NFATC2: variants seen among roughly 807,000 people sequenced by gnomAD.
The protein encoded by NFATC2 is nuclear factor of activated T-cells, cytoplasmic 2.
In NFATC2, 22 loss-of-function variants were observed where a neutral mutation model predicts 87.3. The ratio of observed to expected loss-of-function variants is 0.25; its 90% CI spans 0.18 to 0.36. The LOEUF is 0.36. Ranked by LOEUF, NFATC2 falls within the 10% of genes least tolerant of loss-of-function variation. The probability of loss-of-function intolerance (pLI) is 1.00; values close to 1 mark genes in which losing one functional copy is unlikely to be tolerated. For synonymous variants in NFATC2, 565 were observed against 542.2 expected, an observed-to-expected ratio of 1.04 and a Z score of -0.58; for missense variants, 1,149 against 1,259.1, an observed-to-expected ratio of 0.91 and a Z score of 1.32.
At chr20:51,516,351 T>A (rs758224415) in intron 3 of NFATC2, among the ~76,000 whole-genome samples, 8 of 152,230 alleles carry the variant, frequency 5.3e-5, no homozygotes, top group Non-Finnish European at 1.2e-4. Context: ...AAAATACTAA[T>A]ATAGCTATTT....
intron 3 of NFATC2, among the ~76,000 whole-genome samples, chr20:51,508,526 G>C (rs2146659985): frequency 6.6e-6 from 1 of 152,176 alleles, no homozygotes; most frequent in Non-Finnish European, 1.5e-5. Flanking sequence ...ACAAGGAGGA[G>C]GTGGTGAGGA....
At chr20:51,476,037 T>C (rs1444921632) in intron 3 of NFATC2, among the ~76,000 whole-genome samples, 2 of 151,282 alleles carry the variant, frequency 1.3e-5, no homozygotes, top group Admixed American at 6.6e-5. Flanking sequence ...CTCTTGATAG[T>C]GATTGCCTGA....
intron 10 of NFATC2, among the ~76,000 whole-genome samples, chr20:51,394,988 C>T (rs6123021): frequency 6.6e-6 from 1 of 152,218 alleles, no homozygotes; most frequent in Non-Finnish European, 1.5e-5. Context: ...TGCTTAATGC[C>T]TGCATTAGCC....
intron 1 of NFATC2, among the ~76,000 whole-genome samples, chr20:51,538,376 T>TA (rs1057252006): frequency 1.3e-5 from 2 of 152,258 alleles, no homozygotes; most frequent in East Asian, 1.9e-4. Context: ...CCATTTGTAA[T>TA]AAAAACTCTC....
intron 3 of NFATC2, among the ~76,000 whole-genome samples, chr20:51,508,699 G>A (rs1430213698): frequency 1.3e-5 from 2 of 152,068 alleles, no homozygotes; most frequent in Admixed American, 6.6e-5. Context: ...GGGATGAACA[G>A]GGTCCCTAGA....
chr20:51,457,504 C>A (rs970252640), intron 5 of NFATC2, among the ~76,000 whole-genome samples: 1 of 152,340 alleles, frequency 6.6e-6, no homozygotes, highest in East Asian at 1.9e-4. Context: ...GTTGCTTCCC[C>A]CTTCAAAGCC....
intron 9 of NFATC2, among the ~76,000 whole-genome samples, chr20:51,410,389 C>T (rs1979038416): frequency 6.6e-6 from 1 of 152,026 alleles, no homozygotes; most frequent in Non-Finnish European, 1.5e-5. Context: ...TGCCAGAAAA[C>T]ATTTTCTACG....
chr20:51,483,436 G>A (rs534622326), intron 3 of NFATC2, among the ~76,000 whole-genome samples: 13 of 152,194 alleles, frequency 8.5e-5, no homozygotes, highest in African/African-American at 3.1e-4. Flanking sequence ...CCAGGGTGGG[G>A]GAGAAGGCCG....
intron 3 of NFATC2, among the ~76,000 whole-genome samples, chr20:51,490,159 C>T (rs1177320226): frequency 1.3e-5 from 2 of 152,146 alleles, no homozygotes; most frequent in Non-Finnish European, 2.9e-5. Context: ...TAATGTATTG[C>T]GTGCTTGCTA....
At chr20:51,437,666 G>A (rs887617052) in intron 6 of NFATC2, among the ~76,000 whole-genome samples, 2 of 152,128 alleles carry the variant, frequency 1.3e-5, no homozygotes, top group African/African-American at 2.4e-5. Context: ...AGAGCCCTTT[G>A]TAACAATTAA....
rs947475897 is a variant in NFATC2 at position 51,466,614 on chromosome 20, A to C, written c.1708+7366T>G. Among the ~76,000 whole-genome samples the C allele has an allele frequency of 3.9e-5, 6 of 152,210 alleles. No homozygotes were observed. In the South Asian group the frequency reaches 8.3e-4, roughly 21 times the overall value. On this transcript the variant is annotated intron_variant, in intron 5 of 10. Transcript: ENST00000371564. ...ACCTGCACGGATCAGAGCCCCAAAC[A>C]TGAAACCAGAACCGAAAAGCTTCCA...
intron 2 of NFATC2, among the ~76,000 whole-genome samples, chr20:51,520,881 A>C (rs1235860537): frequency 1.3e-5 from 2 of 151,938 alleles, no homozygotes; most frequent in Non-Finnish European, 2.9e-5. Context: ...GCTGGTCTCA[A>C]ACTCCGACCT....
At chr20:51,559,126 C>G (rs531465283) in intron 1 of NFATC2, among the ~76,000 whole-genome samples, 60 of 152,304 alleles carry the variant, frequency 3.9e-4, no homozygotes, top group African/African-American at 1.4e-3. Context: ...GGAGGGGTCC[C>G]TGGGAGGGGC....
intron 3 of NFATC2, among the ~76,000 whole-genome samples, chr20:51,510,336 CT>C (rs1441571196): frequency 7.9e-5 from 12 of 152,168 alleles, no homozygotes; most frequent in African/African-American, 2.9e-4. Context: ...ATTATTAGAC[CT>C]CATAAGCTGA....
Position 51,432,447 on chromosome 20 carries a change from T to C in NFATC2, c.2342A>G (p.His781Arg). The C allele has an allele frequency of 6.4e-7, 1 of 1,572,130 alleles. No homozygotes were observed. Among genetic ancestry groups the C allele is most frequent in the South Asian group, 1.2e-5 (1 of 85,070 alleles). Residue 781 changes from histidine (H) to arginine (R), a missense_variant, in exon 9 of 11, where the codon CAC (histidine) becomes CGC (arginine). Physicochemically the swap from His to Arg is conservative, Grantham distance 29. Transcript: ENST00000371564. This position sits in a 1 kb window ranked among gnomAD's most constrained non-coding sequence, Gnocchi z 4.6. ...GCCGGCGTGCACCAGCACAGAGCGG[T>C]GAGCGTCCGCAAGGGACAGCGGGGC... ...MAAPLSLADA[H>R]RSVLVHAGSQ...
intron 1 of NFATC2, among the ~76,000 whole-genome samples, chr20:51,541,977 A>G (rs2076825592): frequency 1.3e-5 from 2 of 151,582 alleles, no homozygotes; most frequent in African/African-American, 2.4e-5. Context: ...TGCTAACTCC[A>G]TTCTTCGCTT....
At chr20:51,393,120 C>T (rs771035270) in intron 10 of NFATC2, among the ~76,000 whole-genome samples, 4 of 152,112 alleles carry the variant, frequency 2.6e-5, no homozygotes, top group Non-Finnish European at 5.9e-5. Context: ...CTCTGAATTC[C>T]GTGCTTTGCA....
chr20:51,420,610 T>C (rs1463742874), intron 9 of NFATC2, among the ~76,000 whole-genome samples: 1 of 152,104 alleles, frequency 6.6e-6, no homozygotes, highest in African/African-American at 2.4e-5. Flanking sequence ...CCTCTAGATT[T>C]AATCTAGGGG....
chr20:51,539,792 C>T (rs1034092060), intron 1 of NFATC2, among the ~76,000 whole-genome samples: 1 of 152,198 alleles, frequency 6.6e-6, no homozygotes, highest in Non-Finnish European at 1.5e-5. Context: ...AGCCACCACT[C>T]CCGGCCACAG....
Sources: gnomAD v4.1 joint callset for allele counts (sites outside exome capture counted in the v4.1 genomes callset) on GRCh38, gnomAD v4.1.1 for gene constraint, Gnocchi (gnomAD v3.1) non-coding constraint, MANE v1.5 for transcripts, NCBI Gene and HGNC (gene_info 2026-07-23, HGNC 2026-07-21) for gene names.